FLT1: variants seen among roughly 807,000 people sequenced by gnomAD.
The protein encoded by FLT1 is fms related receptor tyrosine kinase 1.
FLT1 carries 49 observed loss-of-function variants against 156.3 expected under a neutral mutation model. That is an observed-to-expected ratio of 0.31 (90% confidence interval 0.25 to 0.40). The LOEUF is 0.40. Ranked by LOEUF, FLT1 falls within the 10% of genes least tolerant of loss-of-function variation. FLT1 has a pLI of 1.00. For missense variants in FLT1, 1,322 were observed against 1,637.2 expected, an observed-to-expected ratio of 0.81 and a Z score of 3.32; for synonymous variants, 594 against 583.8, an observed-to-expected ratio of 1.02 and a Z score of -0.25.
chr13:28,432,622 T>A (rs1877764307), intron 6 of FLT1, among the ~76,000 whole-genome samples: 1 of 152,218 alleles, frequency 6.6e-6, no homozygotes, highest in Non-Finnish European at 1.5e-5. Context: ...GTCACACTAG[T>A]CACATTTCAA....
chr13:28,473,588 T>C lies in FLT1; in HGVS notation c.65-5971A>G, dbSNP rs957105752. ...TAAACCCGGGAGGCGGAGATTGCAG[T>C]GAGCCAAGACTGCGCAATTGCACTC... is the stretch of plus-strand genomic sequence containing the variant. On this transcript the variant is annotated intron_variant, in intron 1 of 29. Transcript: ENST00000282397. Among the ~76,000 whole-genome samples the C allele has an allele frequency of 7.4e-5, 11 of 148,848 alleles. No individual in the cohort carries two copies. The East Asian group carries it at 2.2e-3, about 30-fold the overall frequency.
chr13:28,311,491 T>G, intron 27 of FLT1, 99 bp downstream of exon 27: 2 of 1,059,128 alleles, frequency 1.9e-6, no homozygotes, highest in South Asian at 2.9e-5. Context: ...TCTTTCTCTC[T>G]TTCTTTCTCT....
intron 14 of FLT1, among the ~76,000 whole-genome samples, chr13:28,362,562 T>C (rs1302603231): frequency 3.3e-5 from 5 of 152,154 alleles, no homozygotes; most frequent in African/African-American, 1.2e-4. Context: ...CTCATGCCTA[T>C]AATCCCAGCA....
intron 10 of FLT1, among the ~76,000 whole-genome samples, chr13:28,422,794 AT>A (rs1270815282): frequency 2.0e-5 from 3 of 152,188 alleles, no homozygotes; most frequent in African/African-American, 7.2e-5. Flanking sequence ...GACTTTCAAC[AT>A]CTTAGATTCT....
At chr13:28,419,500 T>C (rs991193658) in intron 10 of FLT1, among the ~76,000 whole-genome samples, 11 of 152,228 alleles carry the variant, frequency 7.2e-5, no homozygotes, top group African/African-American at 2.7e-4. Flanking sequence ...CTGCCAATCT[T>C]CTTAAGGAAT....
chr13:28,431,368 A>G (rs1877673801), intron 6 of FLT1, 58 bp from the exon 7 acceptor site: 1 of 1,240,422 alleles, frequency 8.1e-7, no homozygotes, highest in Non-Finnish European at 1.2e-6. Flanking sequence ...TTAAAGTTAT[A>G]TAGGATTTTA....
At chr13:28,341,262 G>A (rs1872322164) in intron 16 of FLT1, among the ~76,000 whole-genome samples, 1 of 152,178 alleles carries the variant, frequency 6.6e-6, no homozygotes, top group Non-Finnish European at 1.5e-5. Context: ...TGAGGAGACT[G>A]TGATAGTAAA....
chr13:28,425,541 TA>T (rs5802482), intron 10 of FLT1, among the ~76,000 whole-genome samples: 107,249 of 152,010 alleles, frequency 0.71, 38,241 homozygotes, highest in Non-Finnish European at 0.75. Context: ...CCCAAATTTA[TA>T]AATATTATGT....
rs1021279139 is a variant in FLT1, at chr13:28,439,548, C to G, written c.389-1203G>C. 3.9e-5 allele frequency among the ~76,000 whole-genome samples: 6 copies of G among 152,214 alleles called. No individual in the cohort carries two copies. Among genetic ancestry groups the G allele is most frequent in the African/African-American group, 9.7e-5 (4 of 41,450 alleles). On this transcript the variant is annotated intron_variant, in intron 3 of 29. Transcript: ENST00000282397. This position sits in a 1 kb window ranked among gnomAD's most constrained non-coding sequence, Gnocchi z 4.1. Reference sequence around the variant, plus strand: ...CAAAACGATATGCTGAAGTCCTAACCCCCCTGTACTTCTGAATGTAACCTC... The same window carrying G: ...CAAAACGATATGCTGAAGTCCTAACGCCCCTGTACTTCTGAATGTAACCTC...
Position 28,374,713 on chromosome 13 carries a change from C to T in FLT1, c.2116+10172G>A, listed in dbSNP as rs187203480. Among the ~76,000 whole-genome samples the T allele has an allele frequency of 5.0e-3, 757 of 152,158 alleles. 7 individuals carry two copies. Among genetic ancestry groups the T allele is most frequent in the African/African-American group, 0.017 (714 of 41,522 alleles). ...TATTTTTAGTAGAGACAGGGTTTCA[C>T]CGTGTTAGCCAGGATGGTCTCGATC... On this transcript the variant is annotated intron_variant, in intron 14 of 29. Coordinates refer to ENST00000282397, the MANE Select transcript of FLT1 (RefSeq NM_002019.4).
intron 10 of FLT1, among the ~76,000 whole-genome samples, chr13:28,412,753 T>G (rs1876382556): frequency 6.8e-6 from 1 of 146,362 alleles, no homozygotes; most frequent in African/African-American, 2.6e-5. Flanking sequence ...TTTTTTTTTT[T>G]TGAGACGGAG....
intron 10 of FLT1, among the ~76,000 whole-genome samples, chr13:28,412,524 C>T (rs887538826): frequency 2.7e-5 from 4 of 148,972 alleles, no homozygotes; most frequent in African/African-American, 5.0e-5. Context: ...CAGGTTCAAG[C>T]GATTCTCCTG....
At chr13:28,341,941 G>A (rs1016920173) in intron 16 of FLT1, among the ~76,000 whole-genome samples, 3 of 152,004 alleles carry the variant, frequency 2.0e-5, no homozygotes, top group Non-Finnish European at 4.4e-5. Flanking sequence ...GGAGTGCAGC[G>A]ATATGATCTC....
chr13:28,324,376 G>A (rs536366331), intron 20 of FLT1, among the ~76,000 whole-genome samples: 3 of 152,270 alleles, frequency 2.0e-5, no homozygotes, highest in African/African-American at 2.4e-5. Flanking sequence ...CAAAGCAAGA[G>A]TGATCCCTCC....
intron 25 of FLT1, among the ~76,000 whole-genome samples, chr13:28,316,211 G>A (rs1208085997): frequency 2.0e-5 from 3 of 152,166 alleles, no homozygotes; most frequent in South Asian, 2.1e-4. Flanking sequence ...TGTCCACCTC[G>A]TCCAGTTCCC....
intron 16 of FLT1, 30 bp from the exon 17 acceptor site, chr13:28,339,330 G>A (rs372142553): frequency 5.0e-5 from 81 of 1,608,534 alleles, no homozygotes; most frequent in East Asian, 6.7e-5. Context: ...CAAAGTCATC[G>A]AGAAGAAAAC....
At chr13:28,387,515 G>T (rs17626077) in intron 13 of FLT1, 50,183 of 1,061,406 alleles carry the variant, frequency 0.047, 1,291 homozygotes, top group South Asian at 0.076. Context: ...AGACATTTCT[G>T]CTGGTTATCA....
At chr13:28,425,501 C>T (rs967462961) in intron 10 of FLT1, among the ~76,000 whole-genome samples, 1 of 150,268 alleles carries the variant, frequency 6.7e-6, no homozygotes, top group African/African-American at 2.4e-5. Flanking sequence ...GCCTCATTCC[C>T]CAAACCATAT....
At chr13:28,311,759 T>A (rs1566279655) in intron 26 of FLT1, 27 bp from the exon 27 acceptor site, 4 of 1,612,954 alleles carry the variant, frequency 2.5e-6, no homozygotes, top group Non-Finnish European at 3.4e-6. Context: ...AGAGCTCTCG[T>A]TGCACCAATT....
Sources: gnomAD v4.1 joint callset for allele counts (sites outside exome capture counted in the v4.1 genomes callset) on GRCh38, gnomAD v4.1.1 for gene constraint, Gnocchi (gnomAD v3.1) non-coding constraint, MANE v1.5 for transcripts, NCBI Gene and HGNC (gene_info 2026-07-23, HGNC 2026-07-21) for gene names.